PLCB1: variants seen among roughly 807,000 people sequenced by gnomAD.
The protein encoded by PLCB1 is 1-phosphatidylinositol 4,5-bisphosphate phosphodiesterase beta-1.
PLCB1 carries 46 observed loss-of-function variants against 161.8 expected under a neutral mutation model. The ratio of observed to expected loss-of-function variants is 0.28; its 90% CI spans 0.22 to 0.36. The LOEUF is 0.36. Among genes scored for constraint, PLCB1 ranks in the 10% least tolerant of loss-of-function variants. PLCB1 has a pLI of 1.00. For synonymous variants in PLCB1, 517 were observed against 503.7 expected (o/e 1.03, Z -0.35); for missense variants, 1,016 against 1,472.5 (o/e 0.69, Z 5.07).
chr20:8,787,804 C>T (rs1417169114), intron 27 of PLCB1, among the ~76,000 whole-genome samples: 1 of 152,218 alleles, frequency 6.6e-6, no homozygotes, highest in African/African-American at 2.4e-5. Flanking sequence ...TACTTGCGTT[C>T]ACAGTGATGT....
intron 2 of PLCB1, among the ~76,000 whole-genome samples, chr20:8,218,826 A>C (rs1234446581): frequency 6.6e-6 from 1 of 152,114 alleles, no homozygotes; most frequent in Non-Finnish European, 1.5e-5. Context: ...ACAAGTTTCA[A>C]ATATTCTAGC....
intron 3 of PLCB1, among the ~76,000 whole-genome samples, chr20:8,565,290 G>A (rs1298200366): frequency 2.0e-5 from 3 of 152,034 alleles, no homozygotes; most frequent in African/African-American, 7.2e-5. Flanking sequence ...TGAACAATGA[G>A]AACACACGGA....
At chr20:8,308,695 G>T (rs963648212) in intron 2 of PLCB1, among the ~76,000 whole-genome samples, 6 of 151,608 alleles carry the variant, frequency 4.0e-5, no homozygotes, top group Admixed American at 2.0e-4. Flanking sequence ...ATACATGGAG[G>T]CTACATAACT....
At chr20:8,564,518 C>A (rs187450105) in intron 3 of PLCB1, among the ~76,000 whole-genome samples, 2,193 of 152,172 alleles carry the variant, frequency 0.014, 66 homozygotes, top group African/African-American at 0.051. Context: ...TTCTGCACAG[C>A]AAAAGAAACT....
intron 2 of PLCB1, among the ~76,000 whole-genome samples, chr20:8,365,668 T>A (rs1186913647): frequency 8.5e-5 from 13 of 152,218 alleles, no homozygotes; most frequent in Non-Finnish European, 1.5e-4. Context: ...TTGTGCATTT[T>A]AAGGAGGTTT....
At chr20:8,258,095 TACAGAA>T (rs1412380671) in intron 2 of PLCB1, among the ~76,000 whole-genome samples, 1 of 152,192 alleles carries the variant, frequency 6.6e-6, no homozygotes, top group Non-Finnish European at 1.5e-5. Flanking sequence ...TTTTTCTAAA[TACAGAA>T]ATTTCTCATT....
intron 3 of PLCB1, among the ~76,000 whole-genome samples, chr20:8,483,268 T>C (rs2122751216): frequency 6.6e-6 from 1 of 152,330 alleles, no homozygotes; most frequent in East Asian, 1.9e-4. Context: ...GAGAAGACCC[T>C]TCCTAAGTGT....
chr20:8,565,014 T>G, intron 3 of PLCB1, among the ~76,000 whole-genome samples: 1 of 152,104 alleles, frequency 6.6e-6, no homozygotes, highest in Non-Finnish European at 1.5e-5. Context: ...TATAAATCAT[T>G]CTACTATAAA....
rs78174944 is a variant in PLCB1, at chr20:8,643,296, T to A, written c.385-2806T>A. Among the ~76,000 whole-genome samples the A allele has an allele frequency of 8.7e-3, 1,322 of 152,320 alleles. 23 individuals carry two copies. The highest frequency in any genetic ancestry group is 0.03 in the African/African-American group (1,264 of 41,560). The stretch of plus-strand genomic sequence containing the variant: ...TGGCATCACATTTTTTACTAATTTA[T>A]CTCCAGACACCTAAATGCTCTTTAT... On this transcript the variant is annotated intron_variant, in intron 4 of 31. Coordinates refer to ENST00000338037, the MANE Select transcript of PLCB1 (RefSeq NM_015192.4).
intron 3 of PLCB1, among the ~76,000 whole-genome samples, chr20:8,604,270 A>AC (rs1665137535): frequency 6.6e-6 from 1 of 150,712 alleles, no homozygotes; most frequent in Admixed American, 6.6e-5. Flanking sequence ...AAAAAAAAAA[A>AC]AAAAAAAAGG....
chr20:8,510,247 A>T (rs1688611512), intron 3 of PLCB1, among the ~76,000 whole-genome samples: 1 of 152,234 alleles, frequency 6.6e-6, no homozygotes, highest in Admixed American at 6.5e-5. Flanking sequence ...TCTATCAACC[A>T]TGTGATTTCA....
At chr20:8,454,065 G>A (rs998445068) in intron 3 of PLCB1, among the ~76,000 whole-genome samples, 13 of 152,102 alleles carry the variant, frequency 8.5e-5, no homozygotes, top group African/African-American at 3.1e-4. Context: ...AGGAAGGGAG[G>A]CCTCACCAGT....
At chr20:8,174,573 A>G (rs1043970895) in intron 2 of PLCB1, among the ~76,000 whole-genome samples, 2 of 152,200 alleles carry the variant, frequency 1.3e-5, no homozygotes, top group African/African-American at 2.4e-5. Flanking sequence ...AGACCATCCT[A>G]TGCCTCAACA....
chr20:8,686,771 GA>G (rs1990368917), intron 10 of PLCB1, among the ~76,000 whole-genome samples: 1 of 151,940 alleles, frequency 6.6e-6, no homozygotes, highest in South Asian at 2.1e-4. Context: ...ATTAATCTTT[GA>G]AAGTGTTCTG....
chr20:8,145,883 C>T (rs966900938), intron 1 of PLCB1, among the ~76,000 whole-genome samples: 4 of 152,186 alleles, frequency 2.6e-5, no homozygotes, highest in African/African-American at 4.8e-5. Context: ...GAGCTATTTT[C>T]TATTCCTGTT....
At chr20:8,436,990 A>G (rs188298637) in intron 3 of PLCB1, among the ~76,000 whole-genome samples, 4 of 152,200 alleles carry the variant, frequency 2.6e-5, no homozygotes, top group Non-Finnish European at 5.9e-5. Flanking sequence ...AGCTTTCACC[A>G]TATTGGCCAG....
rs76633173 is a variant in PLCB1 at position 8,321,888 on chromosome 20, G to A, written c.178-49494G>A. 1.6e-4 allele frequency among the ~76,000 whole-genome samples: 24 copies of A among 152,226 alleles called. No individual in the cohort carries two copies. In the East Asian group the frequency reaches 4.4e-3, roughly 28 times the overall value. ...ATATACTGCTAGCATCTTGTTATAA[G>A]TACCTGTGGCTTTCTAAGAGATTTC... On this transcript the variant is annotated intron_variant, in intron 2 of 31. Transcript: ENST00000338037.
At chr20:8,379,106 C>T (rs1008639003) in intron 3 of PLCB1, among the ~76,000 whole-genome samples, 1 of 151,976 alleles carries the variant, frequency 6.6e-6, no homozygotes. Context: ...TCTCACCTCC[C>T]CCACCCCCCA....
At chr20:8,492,030 C>A (rs1015864160) in intron 3 of PLCB1, among the ~76,000 whole-genome samples, 27 of 152,088 alleles carry the variant, frequency 1.8e-4, no homozygotes, top group Non-Finnish European at 3.7e-4. Context: ...GTAGAAATAA[C>A]AAAATTCACT....
Sources: allele counts gnomAD v4.1 joint callset (sites outside exome capture counted in the v4.1 genomes callset), GRCh38; gene constraint gnomAD v4.1.1; transcripts MANE v1.5; gene names NCBI Gene and HGNC (gene_info 2026-07-23, HGNC 2026-07-21).